PEBP4: variants seen among roughly 807,000 people sequenced by gnomAD.
PEBP4 encodes the protein phosphatidylethanolamine binding protein 4.
In PEBP4, 22 loss-of-function variants were observed where a neutral mutation model predicts 23.9. The ratio of observed to expected loss-of-function variants is 0.92; its 90% CI spans 0.66 to 1.31. The LOEUF (loss-of-function observed/expected upper bound fraction) is 1.31, where lower values mean the gene tolerates loss of function less well. Ranked by LOEUF, PEBP4 falls within the 40% of genes most tolerant of loss-of-function variation. The pLI is 0.00. For synonymous variants in PEBP4, 112 were observed against 99.3 expected, an observed-to-expected ratio of 1.13 and a Z score of -0.76; for missense variants, 324 against 281.7, an observed-to-expected ratio of 1.15 and a Z score of -1.07.
chr8:22,734,977 G>C (rs1004648035), intron 4 of PEBP4, among the ~76,000 whole-genome samples: 4 of 152,166 alleles, frequency 2.6e-5, no homozygotes, highest in African/African-American at 9.7e-5. Context: ...AGTACAGGCT[G>C]TCCAGGCCCT....
At chr8:22,741,311 A>G (rs1290951021) in intron 4 of PEBP4, among the ~76,000 whole-genome samples, 2 of 152,130 alleles carry the variant, frequency 1.3e-5, no homozygotes, top group African/African-American at 2.4e-5. Context: ...GTCAACCCAG[A>G]TTCATTTGTC....
intron 4 of PEBP4, among the ~76,000 whole-genome samples, chr8:22,787,108 G>A (rs1563215979): frequency 6.6e-6 from 1 of 152,248 alleles, no homozygotes; most frequent in African/African-American, 2.4e-5. Context: ...ACAGGCGTAA[G>A]CCACTGTGCC....
intron 3 of PEBP4, among the ~76,000 whole-genome samples, chr8:22,859,630 A>G (rs569002434): frequency 6.8e-4 from 104 of 152,240 alleles, no homozygotes; most frequent in African/African-American, 2.3e-3. Context: ...TAGAAGACCC[A>G]CTTCAGCAAT....
intron 1 of PEBP4, among the ~76,000 whole-genome samples, chr8:22,941,043 C>T (rs963231474): frequency 1.3e-5 from 2 of 151,912 alleles, no homozygotes; most frequent in African/African-American, 4.8e-5. Context: ...TCAGAGCCAG[C>T]GGATGTTGAG....
At position 22,768,628 on chromosome 8, in the gene PEBP4, C is replaced by T. The variant is rs527301708; in HGVS notation, c.358-41408G>A. Among the ~76,000 whole-genome samples, 415 of 152,008 alleles carry T rather than the reference C, an allele frequency of 2.7e-3. 4 individuals carry two copies. Among genetic ancestry groups the T allele is most frequent in the Non-Finnish European group, 7.8e-4 (53 of 67,994 alleles). ...AGTGACGCAGCCTCGGGTGGGGCCT[C>T]GGCCCAGTCAATACGGAGCCTTTTG... On this transcript the variant is annotated intron_variant, in intron 4 of 6. Coordinates refer to ENST00000256404, the MANE Select transcript of PEBP4 (RefSeq NM_144962.3).
At position 22,723,554 on chromosome 8, in the gene PEBP4, T is replaced by C. The variant is rs1010234790; in HGVS notation, c.517+1289A>G. On this transcript the variant is annotated intron_variant, in intron 6 of 6. Coordinates refer to ENST00000256404, the MANE Select transcript of PEBP4 (RefSeq NM_144962.3). Reference sequence around the variant, plus strand: ...TATGAGAACCCCATGGGTGGGAGAATGTCATAGGCTGAGGTCCCGACATCT... The same window carrying C: ...TATGAGAACCCCATGGGTGGGAGAACGTCATAGGCTGAGGTCCCGACATCT... 3.9e-5 allele frequency among the ~76,000 whole-genome samples: 6 copies of C among 152,242 alleles called. No individual in the cohort carries two copies. In the Middle Eastern group the frequency reaches 0.01, roughly 259 times the overall value.
At chr8:22,830,448 A>G (rs1406050111) in intron 3 of PEBP4, among the ~76,000 whole-genome samples, 1 of 152,000 alleles carries the variant, frequency 6.6e-6, no homozygotes, top group Non-Finnish European at 1.5e-5. Context: ...GCACCTGGCC[A>G]GCTATCTTCT....
chr8:22,840,391 A>T (rs1331687236), intron 3 of PEBP4, among the ~76,000 whole-genome samples: 2 of 151,148 alleles, frequency 1.3e-5, no homozygotes, highest in Non-Finnish European at 2.9e-5. Flanking sequence ...TCTTAAAAAA[A>T]TTTTTTCTTC....
intron 3 of PEBP4, among the ~76,000 whole-genome samples, chr8:22,871,135 G>A (rs944159482): frequency 1.5e-4 from 23 of 152,102 alleles, no homozygotes; most frequent in African/African-American, 5.3e-4. Flanking sequence ...GGTCGGGGGT[G>A]GGTGGAAAAA....
At chr8:22,830,705 T>C (rs558000038) in intron 3 of PEBP4, among the ~76,000 whole-genome samples, 1 of 152,160 alleles carries the variant, frequency 6.6e-6, no homozygotes, top group South Asian at 2.1e-4. Context: ...TTCCTCCCTC[T>C]TTTCCTCCTT....
intron 3 of PEBP4, among the ~76,000 whole-genome samples, chr8:22,893,178 C>T (rs540901288): frequency 7.9e-5 from 12 of 152,236 alleles, no homozygotes; most frequent in African/African-American, 2.9e-4. Context: ...GTAAAAATGC[C>T]ACAGAATTCC....
At chr8:22,923,566 G>C (rs1004503099) in intron 2 of PEBP4, among the ~76,000 whole-genome samples, 6 of 152,096 alleles carry the variant, frequency 3.9e-5, no homozygotes, top group African/African-American at 1.4e-4. Flanking sequence ...GATGCACTGA[G>C]ACCCTGTCTC....
chr8:22,827,389 T>G (rs1485770214), intron 3 of PEBP4, among the ~76,000 whole-genome samples: 1 of 152,216 alleles, frequency 6.6e-6, no homozygotes, highest in Non-Finnish European at 1.5e-5. Context: ...TATGCAGTCA[T>G]TCCTTATTCC....
intron 2 of PEBP4, among the ~76,000 whole-genome samples, chr8:22,923,860 C>T (rs148237900): frequency 7.9e-5 from 12 of 152,264 alleles, no homozygotes; most frequent in African/African-American, 2.9e-4. Context: ...CCTTGTACCG[C>T]ACACTGAATC....
chr8:22,874,240 A>G (rs1050595648), intron 3 of PEBP4, among the ~76,000 whole-genome samples: 5 of 152,144 alleles, frequency 3.3e-5, no homozygotes, highest in African/African-American at 1.2e-4. Flanking sequence ...CTGTTTAAAT[A>G]CCTGGGAAAA....
At chr8:22,821,760 C>T (rs1228992751) in intron 3 of PEBP4, among the ~76,000 whole-genome samples, 1 of 151,628 alleles carries the variant, frequency 6.6e-6, no homozygotes, top group African/African-American at 2.4e-5. Flanking sequence ...CTGAGGTGGA[C>T]GGATCATGAG....
intron 3 of PEBP4, among the ~76,000 whole-genome samples, chr8:22,840,904 G>T (rs908236199): frequency 6.6e-6 from 1 of 152,128 alleles, no homozygotes; most frequent in Non-Finnish European, 1.5e-5. Flanking sequence ...TATAACTAAT[G>T]GTACCAATTG....
intron 2 of PEBP4, chr8:22,924,572 T>C (rs1809283582): frequency 1.3e-6 from 1 of 752,724 alleles, no homozygotes; most frequent in Non-Finnish European, 1.6e-6. Context: ...GTAGGGTTGG[T>C]GTTCAAGAAG....
intron 3 of PEBP4, among the ~76,000 whole-genome samples, chr8:22,845,812 G>T (rs1807421174): frequency 6.6e-6 from 1 of 152,252 alleles, no homozygotes; most frequent in African/African-American, 2.4e-5. Context: ...TCTGTCCTCT[G>T]ATCAGATCGC....
Sources: gnomAD v4.1 joint callset for allele counts (sites outside exome capture counted in the v4.1 genomes callset) on GRCh38, gnomAD v4.1.1 for gene constraint, MANE v1.5 for transcripts, NCBI Gene and HGNC (gene_info 2026-07-23, HGNC 2026-07-21) for gene names.